The following MYH8 variants were observed in gnomAD, a reference collection of about 807,000 sequenced individuals.
The protein encoded by MYH8 is myosin-8.
MYH8 carries 168 observed loss-of-function variants against 233.2 expected under a neutral mutation model. The ratio of observed to expected loss-of-function variants is 0.72; its 90% CI spans 0.64 to 0.82. The LOEUF (loss-of-function observed/expected upper bound fraction) is 0.82, where lower values mean the gene tolerates loss of function less well. Ranked by LOEUF, MYH8 falls within the 40% of genes least tolerant of loss-of-function variation. The pLI is 0.00. For synonymous variants in MYH8, 785 were observed against 850.6 expected, an observed-to-expected ratio of 0.92 and a Z score of 1.34; for missense variants, 1,995 against 2,327.8, an observed-to-expected ratio of 0.86 and a Z score of 2.94.
chr17:10,401,256 A>T lies in MYH8; in HGVS notation c.3108+19T>A. ...ATTTTTAAAAAAATCTTTCAAAGGG[A>T]TATTTAAAATGTGCTTACATCATCC... On this transcript the variant is annotated intron_variant, in intron 24 of 39. Transcript: ENST00000403437. The T allele has an allele frequency of 6.2e-7, 1 of 1,614,064 alleles. No individual in the cohort carries two copies. Among genetic ancestry groups the T allele is most frequent in the Non-Finnish European group, 8.5e-7 (1 of 1,179,976 alleles).
intron 2 of MYH8, among the ~76,000 whole-genome samples, chr17:10,420,976 A>C (rs1015901237): frequency 6.6e-6 from 1 of 152,214 alleles, no homozygotes; most frequent in African/African-American, 2.4e-5. Context: ...TCCCACATAA[A>C]TTCCATGGGT....
intron 27 of MYH8, 69 bp from the exon 28 acceptor site, chr17:10,399,738 A>G (rs1205141342): frequency 5.6e-6 from 9 of 1,595,876 alleles, no homozygotes; most frequent in Non-Finnish European, 7.7e-6. Context: ...TGATTCTTAA[A>G]ATATTTGTAG....
rs764474712 is a variant in MYH8 at position 10,413,910 on chromosome 17, C to A, written c.1139G>T (p.Gly380Val). The stretch of plus-strand genomic sequence containing the variant: ...AAAGTTTCATTTGGTACCTTCTGTG[C>A]CATCTGGCTCAGCTTGCTCCTCACG... Reference protein sequence around the residue: ...KQREEQAEPDGTEVADKAAYL... With the variant: ...KQREEQAEPDVTEVADKAAYL... Residue 380 changes from glycine to valine, a missense_variant, in exon 12 of 40, where the codon GGC becomes GTC. By Grantham distance (109) the Gly-to-Val change is moderately radical. This residue lies in a region of MYH8 where 479 missense variants were observed against 600.9 expected (regional missense o/e 0.80). Coordinates refer to ENST00000403437, the MANE Select transcript of MYH8 (RefSeq NM_002472.3). The A allele has an allele frequency of 4.3e-6, 7 of 1,614,042 alleles. No homozygotes were observed. In the East Asian group the frequency reaches 1.6e-4, roughly 36 times the overall value.
chr17:10,393,108 T>C lies in MYH8; in HGVS notation c.5269A>G (p.Lys1757Glu). ...VIQESRNAEE[K>E]AKKAITDAAM... ...ACATCAGTGATGGCCTTCTTGGCTT[T>C]CTCTTCTGCATTGCGTGATTCTTGG... Residue 1757 changes from lysine (K) to glutamate (E), a missense_variant, in exon 36 of 40, where the codon AAA becomes GAA. Lys to Glu is a moderately conservative substitution (Grantham distance 56). Around this residue, in one of 3 missense-constraint regions of MYH8, gnomAD observed 1,498 missense variants for 1,680.9 expected, o/e 0.89. Coordinates refer to ENST00000403437, the MANE Select transcript of MYH8 (RefSeq NM_002472.3). The C allele has an allele frequency of 6.2e-7, 1 of 1,614,222 alleles. No homozygotes were observed. The highest frequency in any genetic ancestry group is 8.5e-7 in the Non-Finnish European group (1 of 1,180,048).
chr17:10,414,380 T>C lies in MYH8; in HGVS notation c.904+6A>G. Reference sequence around the variant, plus strand: ...CTTCTATCTATGACTTTAAGTTCTTTCTTACCAATTAGATCTGGCTTCTTA... The same window carrying C: ...CTTCTATCTATGACTTTAAGTTCTTCCTTACCAATTAGATCTGGCTTCTTA... On this transcript the variant is annotated splice_donor_region_variant and intron_variant, in intron 10 of 39. Coordinates refer to ENST00000403437, the MANE Select transcript of MYH8 (RefSeq NM_002472.3). 6.2e-7 allele frequency: 1 copy of C among 1,606,186 alleles called. No individual in the cohort carries two copies. The highest frequency in any genetic ancestry group is 8.5e-7 in the Non-Finnish European group (1 of 1,172,762).
At position 10,395,434 on chromosome 17, in the gene MYH8, A is replaced by G; in HGVS notation, c.4661T>C (p.Leu1554Pro). 1 of 1,614,074 alleles carries G rather than the reference A, an allele frequency of 6.2e-7. No homozygotes were observed. The highest frequency in any genetic ancestry group is 8.5e-7 in the Non-Finnish European group (1 of 1,179,980). ...QAALEEAEAS[L>P]EHEEGKILRI... ...CAGAATCTTTCCTTCTTCATGTTCA[A>G]GAGATGCCTTAACAAAACAGTGATC... Residue 1554 changes from leucine (L) to proline (P), a missense_variant, in exon 34 of 40, where the codon CTT becomes CCT. Physicochemically the swap from Leu to Pro is moderately conservative, Grantham distance 98 (BLOSUM62 -3). Transcript: ENST00000403437.
At position 10,415,265 on chromosome 17, in the gene MYH8, G is replaced by A; in HGVS notation, c.741+27C>T. 1 of 1,609,054 alleles carries A rather than the reference G, an allele frequency of 6.2e-7. No individual in the cohort carries two copies. The highest frequency in any genetic ancestry group is 2.2e-5 in the East Asian group (1 of 44,860). ...TAATTCAGACGTGGCTACTCTGGAA[G>A]TTAGGGGTTGAGACCAAGAGACTCA... On this transcript the variant is annotated intron_variant, in intron 8 of 39. Coordinates refer to ENST00000403437, the MANE Select transcript of MYH8 (RefSeq NM_002472.3). The surrounding 1 kb of genome is among the most constrained non-coding windows in gnomAD (Gnocchi z 4.1).
In MYH8 at chr17:10,417,238, A is replaced by G. The variant is rs548458517; in HGVS notation, c.511+1407T>C. 1.3e-5 allele frequency among the ~76,000 whole-genome samples: 2 copies of G among 152,248 alleles called. No individual in the cohort carries two copies. Among genetic ancestry groups the G allele is most frequent in the Admixed American group, 1.3e-4 (2 of 15,288 alleles). On this transcript the variant is annotated intron_variant, in intron 5 of 39. Transcript: ENST00000403437. The surrounding 1 kb of genome is among the most constrained non-coding windows in gnomAD (Gnocchi z 4.1). Reference sequence around the variant, plus strand: ...GCTGATTTGTTAAATCTCTAATTCTATAGTGTTAGATTATAGATTTTAGAG... The same window carrying G: ...GCTGATTTGTTAAATCTCTAATTCTGTAGTGTTAGATTATAGATTTTAGAG...
chr17:10,411,393 A>G (rs1221387488), intron 14 of MYH8, among the ~76,000 whole-genome samples: 1 of 147,692 alleles, frequency 6.8e-6, no homozygotes, highest in Non-Finnish European at 1.5e-5. Context: ...AAAAAAAAAA[A>G]TCATTATTCA....
intron 30 of MYH8, among the ~76,000 whole-genome samples, chr17:10,397,408 A>G (rs773302933): frequency 3.3e-4 from 51 of 152,290 alleles, no homozygotes; most frequent in Admixed American, 2.2e-3. Flanking sequence ...TCCTGTTTCT[A>G]TACTGGCAAA....
chr17:10,404,601 A>G lies in MYH8; in HGVS notation c.2433-16T>C, dbSNP rs776220488. 1.9e-6 allele frequency: 3 copies of G among 1,613,650 alleles called. No individual in the cohort carries two copies. The highest frequency in any genetic ancestry group is 8.5e-7 in the Non-Finnish European group (1 of 1,179,746). On this transcript the variant is annotated splice_polypyrimidine_tract_variant and intron_variant, in intron 21 of 39. Transcript: ENST00000403437. ...AAGTGCTTCTCTGCGATGACATGAA[A>G]ATATCAGTGTAGACTAATCCATCAG...
In MYH8 at chr17:10,398,522, G is replaced by T. The variant is rs1340138986; in HGVS notation, c.4100C>A (p.Ala1367Asp). 4.3e-6 allele frequency: 7 copies of T among 1,614,126 alleles called. No individual in the cohort carries two copies. Among genetic ancestry groups the T allele is most frequent in the Non-Finnish European group, 5.1e-6 (6 of 1,180,004 alleles). ...TCTCCACTGGGCAACCTCACTGTTG[G>T]CCTTGGACAGCGCCCTCTGCAGCTC... Reference protein sequence around the residue: ...KAELQRALSKANSEVAQWRTK... With the variant: ...KAELQRALSKDNSEVAQWRTK... The change falls in exon 30 of 40, where the codon GCC (alanine) becomes GAC (aspartate). Residue 1367 changes from alanine (A) to aspartate (D), a missense_variant. Physicochemically the swap from Ala to Asp is moderately radical, Grantham distance 126 (BLOSUM62 -2). This residue lies in a region of MYH8 where 1,498 missense variants were observed against 1,680.9 expected (regional missense o/e 0.89). Transcript: ENST00000403437.
chr17:10,398,838 A>C lies in MYH8; in HGVS notation c.3911T>G (p.Leu1304Arg). The C allele has an allele frequency of 1.2e-6, 2 of 1,613,884 alleles. No individual in the cohort carries two copies. Among genetic ancestry groups the C allele is most frequent in the Non-Finnish European group, 1.7e-6 (2 of 1,180,026 alleles). ...LDEKDALVSQ[L>R]SRSKQASTQQ... ...AGTAGATGCTTGCTTGCTCCTTGAA[A>C]GCTGAGAGACTAAAGCATCTTTCTC... Residue 1304 changes from leucine to arginine, a missense_variant, in exon 29 of 40, where the codon CTT becomes CGT. Coordinates refer to ENST00000403437, the MANE Select transcript of MYH8 (RefSeq NM_002472.3).
chr17:10,408,845 G>T (rs950880600), intron 17 of MYH8, among the ~76,000 whole-genome samples: 1 of 152,130 alleles, frequency 6.6e-6, no homozygotes, highest in Non-Finnish European at 1.5e-5. Flanking sequence ...TTAGAAATCA[G>T]CCTCATTATA....
At chr17:10,392,748 A>G in intron 37 of MYH8, 83 bp downstream of exon 37, 1 of 1,613,714 alleles carries the variant, frequency 6.2e-7, no homozygotes, top group South Asian at 1.1e-5. Context: ...CCAGGACAGG[A>G]TGGGAGTCTT....
At position 10,418,956 on chromosome 17, in the gene MYH8, C is replaced by G. The variant is rs1230342529; in HGVS notation, c.285G>C (p.Met95Ile). Residue 95 changes from methionine (M) to isoleucine (I), a missense_variant, in exon 4 of 40, where the codon ATG (methionine) becomes ATC (isoleucine). Around this residue, in one of 3 missense-constraint regions of MYH8, gnomAD observed 479 missense variants for 600.9 expected, o/e 0.80. Coordinates refer to ENST00000403437, the MANE Select transcript of MYH8 (RefSeq NM_002472.3). ...CTCCAGGCTCGTGTAGATGAGTCAT[C>G]ATGGCCATGTCCTCAATTTTGTCAT... is the stretch of plus-strand genomic sequence containing the variant. ...PKYDKIEDMA[M>I]MTHLHEPGVL... The G allele has an allele frequency of 1.2e-6, 2 of 1,613,668 alleles. No individual in the cohort carries two copies. Among genetic ancestry groups the G allele is most frequent in the Admixed American group, 1.7e-5 (1 of 59,980 alleles).
At chr17:10,410,227 C>T (rs2072232433) in intron 15 of MYH8, among the ~76,000 whole-genome samples, 1 of 152,126 alleles carries the variant, frequency 6.6e-6, no homozygotes, top group Non-Finnish European at 1.5e-5. Flanking sequence ...TCGCTTGAGC[C>T]TTGGGGTTGA....
At chr17:10,408,413 C>A (rs760918139) in intron 17 of MYH8, among the ~76,000 whole-genome samples, 3 of 152,114 alleles carry the variant, frequency 2.0e-5, no homozygotes, top group Non-Finnish European at 4.4e-5. Flanking sequence ...GAGTAGTTTT[C>A]TTGTTTAGAT....
At chr17:10,406,456 G>T (rs1264313041) in intron 19 of MYH8, 59 bp from the exon 20 acceptor site, 42 of 1,607,024 alleles carry the variant, frequency 2.6e-5, no homozygotes, top group Non-Finnish European at 3.4e-5. Flanking sequence ...CCAACAAAAT[G>T]ACACCAAAAA....
Sources: allele counts gnomAD v4.1 joint callset (sites outside exome capture counted in the v4.1 genomes callset), GRCh38; gene constraint gnomAD v4.1.1; regional missense constraint gnomAD v4.1.1; non-coding constraint Gnocchi (gnomAD v3.1); transcripts MANE v1.5; gene names NCBI Gene and HGNC (gene_info 2026-07-23, HGNC 2026-07-21).